The following SNTB2 variants were observed in gnomAD, a reference collection of about 807,000 sequenced individuals.
The protein encoded by SNTB2 is beta-2-syntrophin.
Under a neutral mutation model 46.2 loss-of-function variants are expected in SNTB2, and 34 were observed. That is an observed-to-expected ratio of 0.74 (90% CI 0.56 to 0.98). The LOEUF (loss-of-function observed/expected upper bound fraction) is 0.98, where lower values mean the gene tolerates loss of function less well. SNTB2 is among the 50% of genes least tolerant of loss of function. SNTB2 has a pLI of 0.00. For missense variants in SNTB2, 603 were observed against 731.4 expected (o/e 0.82, Z 2.02); for synonymous variants, 290 against 312.6 (o/e 0.93, Z 0.76).
At chr16:69,196,528 C>A (rs1964107570) in intron 1 of SNTB2, among the ~76,000 whole-genome samples, 1 of 151,966 alleles carries the variant, frequency 6.6e-6, no homozygotes, top group South Asian at 2.1e-4. Context: ...ACACGCGCTA[C>A]CATGCCCGGC....
intron 3 of SNTB2, among the ~76,000 whole-genome samples, chr16:69,266,398 G>A (rs974828317): frequency 6.6e-6 from 1 of 151,912 alleles, no homozygotes. Context: ...ACAAAAAAAA[G>A]TTAAGGCAAA....
At chr16:69,291,413 TA>T (rs573278580) in intron 5 of SNTB2, among the ~76,000 whole-genome samples, 5 of 152,274 alleles carry the variant, frequency 3.3e-5, no homozygotes, top group Admixed American at 2.6e-4. Context: ...AGTTCTCATT[TA>T]AAAAAACACA....
At chr16:69,222,829 T>G (rs1964419657) in intron 1 of SNTB2, among the ~76,000 whole-genome samples, 1 of 152,180 alleles carries the variant, frequency 6.6e-6, no homozygotes, top group Non-Finnish European at 1.5e-5. Context: ...TTGCCCAGGC[T>G]GGAGTGCAGT....
At chr16:69,292,390 TTATATA>T (rs1233537704) in intron 5 of SNTB2, among the ~76,000 whole-genome samples, 953 of 12,746 alleles carry the variant, frequency 0.075, 155 homozygotes, top group Middle Eastern at 0.11. Flanking sequence ...TATATATATA[TTATATA>T]TATATATATA....
chr16:69,197,244 A>G (rs900932508), intron 1 of SNTB2, among the ~76,000 whole-genome samples: 1 of 152,206 alleles, frequency 6.6e-6, no homozygotes, highest in African/African-American at 2.4e-5. Flanking sequence ...AGAACTTGGA[A>G]TAAGTGAGCA....
chr16:69,297,819 C>T (rs1965242482), intron 5 of SNTB2, among the ~76,000 whole-genome samples: 1 of 152,020 alleles, frequency 6.6e-6, no homozygotes, highest in South Asian at 2.1e-4. Flanking sequence ...CAGGCTGAGG[C>T]AGAAGAATTG....
intron 6 of SNTB2, 65 bp from the exon 7 acceptor site, chr16:69,300,767 C>T: frequency 9.3e-7 from 1 of 1,076,432 alleles, no homozygotes; most frequent in South Asian, 1.3e-5. Context: ...TATTTTGCAT[C>T]TTCGTTTATT....
chr16:69,270,850 G>A (rs983265149), intron 4 of SNTB2, among the ~76,000 whole-genome samples: 2 of 152,200 alleles, frequency 1.3e-5, no homozygotes, highest in African/African-American at 4.8e-5. Flanking sequence ...AGACTTGGGA[G>A]CCAAGGTGTT....
intron 4 of SNTB2, among the ~76,000 whole-genome samples, chr16:69,278,065 C>T (rs1363712102): frequency 2.6e-5 from 4 of 152,174 alleles, no homozygotes; most frequent in African/African-American, 7.2e-5. Context: ...GCCTATTGTC[C>T]CAACTACTTG....
intron 1 of SNTB2, among the ~76,000 whole-genome samples, chr16:69,223,437 C>A (rs914352728): frequency 4.6e-5 from 7 of 152,132 alleles, no homozygotes; most frequent in Non-Finnish European, 7.4e-5. Flanking sequence ...TCAGGTAATG[C>A]ACCTACCTCA....
chr16:69,274,244 G>A (rs1241029170), intron 4 of SNTB2, among the ~76,000 whole-genome samples: 4 of 151,728 alleles, frequency 2.6e-5, no homozygotes, highest in Non-Finnish European at 2.9e-5. Flanking sequence ...CCCCAGAGGC[G>A]GAGGTTGCAG....
rs1159040327 is a variant in SNTB2, at chr16:69,235,902, G to GAT, written c.581-9692_581-9691dup. The GAT allele has an allele frequency of 9.7e-6, 12 of 1,241,640 alleles. No individual in the cohort carries two copies. In the African/African-American group the frequency reaches 1.1e-4, roughly 11 times the overall value. The allele number at this position is 1,241,640 out of a possible 1,614,324, so 76.9% of individuals were successfully genotyped here. On this transcript the variant is annotated intron_variant, in intron 1 of 6. Transcript: ENST00000336278. Reference sequence around the variant, plus strand: ...GAGTTGTGTGGATGCAGTCCCATTAGATATATATAGAATTACTGGTTTATC... The same window carrying GAT: ...GAGTTGTGTGGATGCAGTCCCATTAGATATATATATAGAATTACTGGTTTATC...
intron 1 of SNTB2, among the ~76,000 whole-genome samples, chr16:69,219,959 C>A (rs1438368961): frequency 1.3e-5 from 2 of 151,826 alleles, no homozygotes; most frequent in Admixed American, 1.3e-4. Context: ...ACCATGTTGG[C>A]CAGGATGGTC....
chr16:69,238,123 C>T (rs1347412814), intron 1 of SNTB2, among the ~76,000 whole-genome samples: 1 of 152,070 alleles, frequency 6.6e-6, no homozygotes, highest in Non-Finnish European at 1.5e-5. Context: ...ACTTCCTTGG[C>T]CTTTGGTTTT....
At chr16:69,239,075 A>G (rs1964585477) in intron 1 of SNTB2, among the ~76,000 whole-genome samples, 1 of 151,004 alleles carries the variant, frequency 6.6e-6, no homozygotes, top group South Asian at 2.1e-4. Context: ...ACTGTCTAAC[A>G]CTCCTGTTAG....
At chr16:69,277,633 C>T (rs1038605819) in intron 4 of SNTB2, among the ~76,000 whole-genome samples, 7 of 152,186 alleles carry the variant, frequency 4.6e-5, no homozygotes, top group Admixed American at 2.6e-4. Flanking sequence ...AAATACTCTT[C>T]CCTTTTCCAA....
chr16:69,198,039 T>C (rs1283582442), intron 1 of SNTB2, among the ~76,000 whole-genome samples: 1 of 151,838 alleles, frequency 6.6e-6, no homozygotes, highest in Non-Finnish European at 1.5e-5. Context: ...TGGAAACCAT[T>C]CTTCACCAGA....
At chr16:69,239,680 G>A (rs1344807489) in intron 1 of SNTB2, among the ~76,000 whole-genome samples, 1 of 152,102 alleles carries the variant, frequency 6.6e-6, no homozygotes, top group Non-Finnish European at 1.5e-5. Flanking sequence ...GAGTAGCTGG[G>A]CTTACAGGCG....
At chr16:69,244,958 C>G (rs1230914013) in intron 1 of SNTB2, among the ~76,000 whole-genome samples, 1 of 152,050 alleles carries the variant, frequency 6.6e-6, no homozygotes, top group African/African-American at 2.4e-5. Context: ...AAATACTTAG[C>G]TTAGTATGGG....
Sources: gnomAD v4.1 joint callset for allele counts (sites outside exome capture counted in the v4.1 genomes callset) on GRCh38, gnomAD v4.1.1 for gene constraint, MANE v1.5 for transcripts, NCBI Gene and HGNC (gene_info 2026-07-23, HGNC 2026-07-21) for gene names.